Variants in KCNAB1 observed in about 807,000 individuals in gnomAD.
The protein encoded by KCNAB1 is voltage-gated potassium channel subunit beta-1.
In KCNAB1, 35 loss-of-function variants were observed where a neutral mutation model predicts 64.6. The observed-to-expected ratio is 0.54, with a 90% CI of 0.41 to 0.72. KCNAB1 has a LOEUF of 0.72. KCNAB1 is among the 30% of genes least tolerant of loss of function. KCNAB1 has a pLI of 0.00. For missense variants in KCNAB1, 401 were observed against 512.9 expected (o/e 0.78, Z 2.11); for synonymous variants, 177 against 183.8 (o/e 0.96, Z 0.30).
intron 1 of KCNAB1, among the ~76,000 whole-genome samples, chr3:156,182,098 T>A (rs1436611568): frequency 6.6e-6 from 1 of 152,158 alleles, no homozygotes; most frequent in Non-Finnish European, 1.5e-5. Context: ...AACTTTATAA[T>A]TATATTAGTG....
intron 7 of KCNAB1, among the ~76,000 whole-genome samples, chr3:156,474,421 C>A (rs773440145): frequency 3.9e-5 from 6 of 152,094 alleles, no homozygotes; most frequent in Non-Finnish European, 8.8e-5. Context: ...AAAGAAGCTG[C>A]TTTTTATTCT....
intron 1 of KCNAB1, among the ~76,000 whole-genome samples, chr3:156,377,077 A>G (rs1351058103): frequency 6.6e-6 from 1 of 152,206 alleles, no homozygotes; most frequent in African/African-American, 2.4e-5. Flanking sequence ...GGAAAATTCT[A>G]AGGATGTATC....
intron 1 of KCNAB1, among the ~76,000 whole-genome samples, chr3:156,420,811 C>T (rs1046853334): frequency 1.6e-4 from 24 of 152,058 alleles, no homozygotes; most frequent in African/African-American, 5.3e-4. Flanking sequence ...GACTTATAGG[C>T]AAATGCATAC....
intron 1 of KCNAB1, among the ~76,000 whole-genome samples, chr3:156,128,530 C>G (rs1713800718): frequency 6.6e-6 from 1 of 152,138 alleles, no homozygotes; most frequent in African/African-American, 2.4e-5. Flanking sequence ...TTTGTAGTAT[C>G]CTTGTTTATA....
At chr3:156,359,331 C>A (rs1278505693) in intron 1 of KCNAB1, among the ~76,000 whole-genome samples, 3 of 152,086 alleles carry the variant, frequency 2.0e-5, no homozygotes, top group Admixed American at 2.0e-4. Flanking sequence ...TATGATAGTC[C>A]TCAGTCTGTG....
intron 1 of KCNAB1, among the ~76,000 whole-genome samples, chr3:156,138,230 G>A (rs754100337): frequency 1.9e-4 from 29 of 152,242 alleles, no homozygotes; most frequent in Admixed American, 5.9e-4. Context: ...CCAGTGAGAT[G>A]AAGGCAGATG....
In KCNAB1 at chr3:156,435,381, G is replaced by A. The variant is rs146205007; in HGVS notation, c.319+13722G>A. ...ACTGACTAGAAAACAGAGGACTGTTGAGGGTCTATGAGGGACTAGAGACAA... is the reference window on the plus strand; with the variant it reads ...ACTGACTAGAAAACAGAGGACTGTTAAGGGTCTATGAGGGACTAGAGACAA... On this transcript the variant is annotated intron_variant, in intron 2 of 13. Coordinates refer to ENST00000490337, the MANE Select transcript of KCNAB1 (RefSeq NM_172160.3). Among the ~76,000 whole-genome samples the A allele has an allele frequency of 5.4e-4, 83 of 152,324 alleles. No individual in the cohort carries two copies. In the East Asian group the frequency reaches 8.7e-3, roughly 16 times the overall value.
chr3:156,209,609 G>A (rs1714890198), intron 1 of KCNAB1, among the ~76,000 whole-genome samples: 1 of 152,170 alleles, frequency 6.6e-6, no homozygotes, highest in Non-Finnish European at 1.5e-5. Context: ...ATACTTTCAG[G>A]AATCTGAAAA....
intron 8 of KCNAB1, among the ~76,000 whole-genome samples, chr3:156,498,123 A>G (rs1183820731): frequency 2.6e-5 from 4 of 152,224 alleles, no homozygotes; most frequent in African/African-American, 7.2e-5. Flanking sequence ...TGGTGAAATT[A>G]TTGATGCTTT....
At chr3:156,213,360 G>A (rs1213976305) in intron 1 of KCNAB1, among the ~76,000 whole-genome samples, 1 of 152,094 alleles carries the variant, frequency 6.6e-6, no homozygotes, top group African/African-American at 2.4e-5. Context: ...TGGAACTAAA[G>A]GCATGCATCA....
intron 2 of KCNAB1, among the ~76,000 whole-genome samples, chr3:156,430,055 T>C (rs542799016): frequency 9.2e-5 from 14 of 152,354 alleles, no homozygotes; most frequent in African/African-American, 3.1e-4. Context: ...TTTCCTACTT[T>C]TATGGATAAA....
At chr3:156,156,441 AGGGTTAC>A (rs1160201021) in intron 1 of KCNAB1, among the ~76,000 whole-genome samples, 1 of 152,224 alleles carries the variant, frequency 6.6e-6, no homozygotes, top group Non-Finnish European at 1.5e-5. Context: ...AAGTAGAAGT[AGGGTTAC>A]TGGTTAAGAA....
intron 1 of KCNAB1, among the ~76,000 whole-genome samples, chr3:156,354,142 ATGTG>A (rs1203123180): frequency 5.7e-5 from 7 of 123,124 alleles, no homozygotes; most frequent in South Asian, 2.6e-4. Context: ...ATATATATAT[ATGTG>A]TATATATATA....
chr3:156,149,625 C>T (rs953011824), intron 1 of KCNAB1, among the ~76,000 whole-genome samples: 6 of 152,176 alleles, frequency 3.9e-5, no homozygotes, highest in African/African-American at 1.4e-4. Context: ...CCTCCCTCCT[C>T]TCATCCCCTG....
chr3:156,220,208 T>C (rs1157695051), intron 1 of KCNAB1, among the ~76,000 whole-genome samples: 2 of 152,196 alleles, frequency 1.3e-5, no homozygotes, highest in African/African-American at 4.8e-5. Flanking sequence ...AGTAGCATGA[T>C]TTATAATCAT....
intron 1 of KCNAB1, among the ~76,000 whole-genome samples, chr3:156,327,156 C>T (rs2108036969): frequency 6.6e-6 from 1 of 152,298 alleles, no homozygotes; most frequent in South Asian, 2.1e-4. Context: ...ATTCAGCCCA[C>T]TGACATATTC....
chr3:156,318,567 T>C (rs949106307), intron 1 of KCNAB1, among the ~76,000 whole-genome samples: 3 of 152,148 alleles, frequency 2.0e-5, no homozygotes, highest in African/African-American at 7.2e-5. Context: ...TTTTGTCTGT[T>C]TGTTTGTAAG....
chr3:156,420,924 G>A (rs1011242978), intron 1 of KCNAB1, among the ~76,000 whole-genome samples: 2 of 150,888 alleles, frequency 1.3e-5, no homozygotes, highest in Admixed American at 6.6e-5. Context: ...GTAATTTTAT[G>A]TAATCTTGAA....
At chr3:156,421,147 T>C (rs1039286761) in intron 1 of KCNAB1, among the ~76,000 whole-genome samples, 4 of 152,202 alleles carry the variant, frequency 2.6e-5, no homozygotes, top group Admixed American at 2.6e-4. Context: ...TTATTAAGGC[T>C]CTACTTACCG....
Sources: allele counts gnomAD v4.1 joint callset (sites outside exome capture counted in the v4.1 genomes callset), GRCh38; gene constraint gnomAD v4.1.1; transcripts MANE v1.5; gene names NCBI Gene and HGNC (gene_info 2026-07-23, HGNC 2026-07-21).